Variants in PDE3A observed in about 807,000 individuals in gnomAD.
PDE3A encodes phosphodiesterase 3A.
PDE3A carries 43 observed loss-of-function variants against 98.3 expected under a neutral mutation model. The ratio of observed to expected loss-of-function variants is 0.44; its 90% CI spans 0.34 to 0.56. The LOEUF is 0.56. PDE3A is among the 20% of genes least tolerant of loss of function. The probability of loss-of-function intolerance (pLI) is 0.01; values close to 1 mark genes in which losing one functional copy is unlikely to be tolerated. For synonymous variants in PDE3A, 663 were observed against 567.9 expected, an observed-to-expected ratio of 1.17 and a Z score of -2.38; for missense variants, 1,427 against 1,440.7, an observed-to-expected ratio of 0.99 and a Z score of 0.15.
At chr12:20,457,436 A>G (rs930052055) in intron 1 of PDE3A, among the ~76,000 whole-genome samples, 6 of 151,994 alleles carry the variant, frequency 3.9e-5, no homozygotes, top group Non-Finnish European at 5.9e-5. Flanking sequence ...AATAAAATTT[A>G]TACATATACA....
rs978482293 is a variant in PDE3A at position 20,495,420 on chromosome 12, CTAAGA to C, written c.961-61235_961-61231del. 3.7e-4 allele frequency among the ~76,000 whole-genome samples: 57 copies of C among 152,130 alleles called. 2 individuals carry two copies. The highest frequency in any genetic ancestry group is 1.9e-4 in the East Asian group (1 of 5,176). On this transcript the variant is annotated intron_variant, in intron 1 of 15. Transcript: ENST00000359062. ...AAGAAACAACTATAATCTAATTAAC[CTAAGA>C]TAAGTAGTTAATGTTTTATGTGTCT...
intron 1 of PDE3A, among the ~76,000 whole-genome samples, chr12:20,385,413 A>G (rs1313478616): frequency 6.6e-6 from 1 of 152,008 alleles, no homozygotes; most frequent in African/African-American, 2.4e-5. Flanking sequence ...TAGAAATACC[A>G]TTTGACCCAG....
chr12:20,610,956 A>G (rs190759534), intron 2 of PDE3A, among the ~76,000 whole-genome samples: 18 of 152,062 alleles, frequency 1.2e-4, no homozygotes, highest in African/African-American at 3.6e-4. Flanking sequence ...TATAGGATGT[A>G]TAAGTCTAGG....
chr12:20,470,231 T>G (rs979658433), intron 1 of PDE3A, among the ~76,000 whole-genome samples: 4 of 152,180 alleles, frequency 2.6e-5, no homozygotes, highest in Non-Finnish European at 4.4e-5. Flanking sequence ...GAAATAATTG[T>G]GTTGATGGAC....
intron 2 of PDE3A, among the ~76,000 whole-genome samples, chr12:20,594,700 G>C (rs747824171): frequency 9.2e-5 from 14 of 151,990 alleles, no homozygotes; most frequent in Non-Finnish European, 2.1e-4. Context: ...TTTGCCTCTA[G>C]GATTCAGATA....
intron 1 of PDE3A, among the ~76,000 whole-genome samples, chr12:20,487,655 GAA>G (rs61676423): frequency 2.5e-5 from 3 of 118,288 alleles, no homozygotes; most frequent in Admixed American, 8.4e-5. Context: ...TCAGGCTTAA[GAA>G]AAAAAAATAA....
intron 1 of PDE3A, among the ~76,000 whole-genome samples, chr12:20,489,874 G>T (rs1309103628): frequency 6.6e-6 from 1 of 152,152 alleles, no homozygotes; most frequent in Admixed American, 6.6e-5. Flanking sequence ...AGGAAACACA[G>T]GGCTGTGGAG....
At chr12:20,660,932 G>C in intron 15 of PDE3A, among the ~76,000 whole-genome samples, 1 of 151,758 alleles carries the variant, frequency 6.6e-6, no homozygotes, top group East Asian at 2.0e-4. Context: ...CTTTGGAACT[G>C]GGTAACAGGA....
chr12:20,648,397 C>A (rs118104515), intron 12 of PDE3A, among the ~76,000 whole-genome samples: 4,616 of 151,194 alleles, frequency 0.031, 82 homozygotes, highest in Middle Eastern at 0.049. Context: ...ACAAAGAAAT[C>A]TAAAGAAAAA....
Position 20,386,144 on chromosome 12 carries a change from T to TATATAA in PDE3A, c.960+15905_960+15906insAATATA, listed in dbSNP as rs1237064551. 6.7e-3 allele frequency among the ~76,000 whole-genome samples: 177 copies of TATATAA among 26,296 alleles called. 19 individuals are homozygous for TATATAA. The highest frequency in any genetic ancestry group is 0.025 in the African/African-American group (173 of 7,052). The allele number at this position is 26,296 out of a possible 152,430, so 17.3% of individuals were successfully genotyped here. ...ATAAATATATATAAATATATATAAA[T>TATATAA]ATATATATAAATATATATAAATATA... is the stretch of plus-strand genomic sequence containing the variant. On this transcript the variant is annotated intron_variant, in intron 1 of 15. Transcript: ENST00000359062.
intron 1 of PDE3A, among the ~76,000 whole-genome samples, chr12:20,521,398 C>T (rs1384551937): frequency 1.3e-5 from 2 of 151,922 alleles, no homozygotes; most frequent in Non-Finnish European, 1.5e-5. Context: ...GCATTTTAGC[C>T]AGTCATTTTG....
chr12:20,471,888 A>T (rs1290519752), intron 1 of PDE3A, among the ~76,000 whole-genome samples: 1 of 152,088 alleles, frequency 6.6e-6, no homozygotes, highest in African/African-American at 2.4e-5. Flanking sequence ...GGCACTCAGG[A>T]TGTAAATGAA....
intron 1 of PDE3A, among the ~76,000 whole-genome samples, chr12:20,380,804 A>G (rs1943650676): frequency 6.6e-6 from 1 of 151,822 alleles, no homozygotes; most frequent in African/African-American, 2.4e-5. Flanking sequence ...TTTTCATTTG[A>G]AAAAACATAT....
chr12:20,634,556 C>G lies in PDE3A; in HGVS notation c.1847-346C>G, dbSNP rs545870365. Among the ~76,000 whole-genome samples, 8 of 152,200 alleles carry G rather than the reference C, an allele frequency of 5.3e-5. No individual in the cohort carries two copies. In the East Asian group the frequency reaches 1.5e-3, roughly 29 times the overall value. On this transcript the variant is annotated intron_variant, in intron 7 of 15. Transcript: ENST00000359062. Reference sequence around the variant, plus strand: ...GTTTCTCCCACCTCACGTGCCCGTTCTAGAGTGTTTTAGTCACTCAGTGGT... The same window carrying G: ...GTTTCTCCCACCTCACGTGCCCGTTGTAGAGTGTTTTAGTCACTCAGTGGT...
chr12:20,497,791 C>A (rs905090034), intron 1 of PDE3A, among the ~76,000 whole-genome samples: 3 of 151,974 alleles, frequency 2.0e-5, no homozygotes, highest in Admixed American at 2.0e-4. Flanking sequence ...TCAAATAGAA[C>A]AAAGAAGAAT....
At chr12:20,613,721 C>T in intron 3 of PDE3A, 21 bp downstream of exon 3, 1 of 1,589,844 alleles carries the variant, frequency 6.3e-7, no homozygotes, top group Non-Finnish European at 8.6e-7. Flanking sequence ...ATGACATACC[C>T]CTTAAAGGGT....
Position 20,524,566 on chromosome 12 carries a change from G to A in PDE3A, c.961-32094G>A, listed in dbSNP as rs118167802. On this transcript the variant is annotated intron_variant, in intron 1 of 15. Transcript: ENST00000359062. Reference sequence around the variant, plus strand: ...AGTTTTTTATTTAAATTTTTAAATTGTGAAACAGATCACAAATTAAAGAGC... The same window carrying A: ...AGTTTTTTATTTAAATTTTTAAATTATGAAACAGATCACAAATTAAAGAGC... Among the ~76,000 whole-genome samples, 1,181 of 152,064 alleles carry A rather than the reference G, an allele frequency of 7.8e-3. 7 individuals are homozygous for A. Among genetic ancestry groups the A allele is most frequent in the Non-Finnish European group, 0.012 (832 of 67,986 alleles).
At chr12:20,371,749 C>T (rs1257956912) in intron 1 of PDE3A, among the ~76,000 whole-genome samples, 1 of 152,074 alleles carries the variant, frequency 6.6e-6, no homozygotes, top group Non-Finnish European at 1.5e-5. Context: ...AGGCCACTGA[C>T]TGATAGTTTT....
intron 13 of PDE3A, 97 bp downstream of exon 13, chr12:20,648,988 C>T (rs372290590): frequency 4.3e-5 from 32 of 749,190 alleles, no homozygotes; most frequent in East Asian, 3.0e-4. Flanking sequence ...TGCAGTGGCA[C>T]GATCTTGGCT....
Sources: gnomAD v4.1 joint callset for allele counts (sites outside exome capture counted in the v4.1 genomes callset) on GRCh38, gnomAD v4.1.1 for gene constraint, MANE v1.5 for transcripts, NCBI Gene and HGNC (gene_info 2026-07-23, HGNC 2026-07-21) for gene names.